Variants in EPB41L2 observed in about 807,000 individuals in gnomAD.
EPB41L2 encodes the protein band 4.1-like protein 2.
In EPB41L2, 43 loss-of-function variants were observed where a neutral mutation model predicts 113.0. The ratio of observed to expected loss-of-function variants is 0.38; its 90% CI spans 0.30 to 0.49. The LOEUF is 0.49. Among genes scored for constraint, EPB41L2 ranks in the 20% least tolerant of loss-of-function variants. The probability of loss-of-function intolerance (pLI) is 0.95; values close to 1 mark genes in which losing one functional copy is unlikely to be tolerated. For missense variants in EPB41L2, 1,147 were observed against 1,223.4 expected (o/e 0.94, Z 0.93); for synonymous variants, 442 against 436.7 (o/e 1.01, Z -0.15).
intron 1 of EPB41L2, among the ~76,000 whole-genome samples, chr6:131,043,373 A>T (rs541916601): frequency 6.6e-6 from 1 of 152,246 alleles, no homozygotes; most frequent in African/African-American, 2.4e-5. Flanking sequence ...ATACTCTTTG[A>T]GTGGTTTTAA....
chr6:130,870,605 T>C (rs1026100887), intron 14 of EPB41L2, among the ~76,000 whole-genome samples: 1 of 152,214 alleles, frequency 6.6e-6, no homozygotes, highest in Non-Finnish European at 1.5e-5. Flanking sequence ...GCTTTTATTA[T>C]AGATATACCT....
At chr6:131,032,560 G>A (rs376316375) in intron 1 of EPB41L2, among the ~76,000 whole-genome samples, 4 of 152,214 alleles carry the variant, frequency 2.6e-5, no homozygotes, top group East Asian at 3.9e-4. Flanking sequence ...ATATTACAAC[G>A]TATGCTCACT....
At chr6:131,049,913 G>A (rs1168611090) in intron 1 of EPB41L2, among the ~76,000 whole-genome samples, 2 of 152,210 alleles carry the variant, frequency 1.3e-5, no homozygotes, top group African/African-American at 2.4e-5. Context: ...GCACAGTATA[G>A]AGGGAACAAC....
At chr6:130,955,971 C>A in intron 2 of EPB41L2, 23 bp downstream of exon 2, 1 of 1,588,192 alleles carries the variant, frequency 6.3e-7, no homozygotes, top group Middle Eastern at 1.7e-4. Flanking sequence ...TTTTCATTTC[C>A]AGGCAATTAT....
chr6:131,009,345 A>C (rs1389628499), intron 1 of EPB41L2, among the ~76,000 whole-genome samples: 1 of 152,142 alleles, frequency 6.6e-6, no homozygotes, highest in Non-Finnish European at 1.5e-5. Flanking sequence ...TGGAATTGTG[A>C]GTCAATTAAA....
chr6:130,961,678 C>T (rs548217032), intron 1 of EPB41L2, among the ~76,000 whole-genome samples: 1 of 152,272 alleles, frequency 6.6e-6, no homozygotes, highest in South Asian at 2.1e-4. Context: ...GAAACTGGGA[C>T]CTTACTGTTA....
intron 5 of EPB41L2, among the ~76,000 whole-genome samples, chr6:130,904,948 A>G (rs927336951): frequency 6.7e-6 from 1 of 148,970 alleles, no homozygotes; most frequent in African/African-American, 2.5e-5. Context: ...AGGATTTTCT[A>G]CATTGTTGTG....
intron 10 of EPB41L2, among the ~76,000 whole-genome samples, chr6:130,892,311 A>G (rs1008391877): frequency 6.4e-4 from 76 of 118,398 alleles, no homozygotes; most frequent in Non-Finnish European, 1.2e-3. Context: ...TAGGGCGAGA[A>G]ATAGACCACG....
intron 1 of EPB41L2, among the ~76,000 whole-genome samples, chr6:130,988,232 C>A (rs1202293580): frequency 1.3e-5 from 2 of 152,106 alleles, no homozygotes; most frequent in African/African-American, 4.8e-5. Flanking sequence ...GTCTAAATAG[C>A]AGATAAAGAA....
At chr6:130,971,463 A>G (rs1180388385) in intron 1 of EPB41L2, among the ~76,000 whole-genome samples, 3 of 152,046 alleles carry the variant, frequency 2.0e-5, no homozygotes, top group Non-Finnish European at 2.9e-5. Flanking sequence ...TTGTACTTTT[A>G]TTACGTAGAA....
At chr6:131,052,341 C>T (rs1796733174) in intron 1 of EPB41L2, among the ~76,000 whole-genome samples, 1 of 152,024 alleles carries the variant, frequency 6.6e-6, no homozygotes, top group African/African-American at 2.4e-5. Flanking sequence ...AATATAGAGC[C>T]CAGAAAAAGA....
chr6:131,007,900 T>C (rs187427613), intron 1 of EPB41L2, among the ~76,000 whole-genome samples: 2 of 152,326 alleles, frequency 1.3e-5, no homozygotes, highest in Admixed American at 6.5e-5. Flanking sequence ...AAAGAGGTGG[T>C]TTAAAATTTG....
At chr6:130,931,173 C>T (rs536063695) in intron 3 of EPB41L2, among the ~76,000 whole-genome samples, 131 of 152,154 alleles carry the variant, frequency 8.6e-4, no homozygotes, top group African/African-American at 2.8e-3. Context: ...AGAAACAACG[C>T]TATAAAACTT....
intron 1 of EPB41L2, among the ~76,000 whole-genome samples, chr6:131,053,760 G>C (rs958533401): frequency 2.0e-5 from 3 of 152,214 alleles, no homozygotes; most frequent in African/African-American, 7.2e-5. Flanking sequence ...ACATTTTGTT[G>C]CTTACTCATA....
chr6:131,019,129 AT>A (rs1788898006), intron 1 of EPB41L2, among the ~76,000 whole-genome samples: 1 of 152,226 alleles, frequency 6.6e-6, no homozygotes, highest in Non-Finnish European at 1.5e-5. Flanking sequence ...AATATCAAGC[AT>A]TCCCATTTGT....
At chr6:130,908,484 G>C (rs772282317) in intron 5 of EPB41L2, among the ~76,000 whole-genome samples, 1 of 152,138 alleles carries the variant, frequency 6.6e-6, no homozygotes, top group Non-Finnish European at 1.5e-5. Flanking sequence ...AGCAGACAAA[G>C]CAATAGTATC....
At chr6:130,870,321 G>C in intron 14 of EPB41L2, 195 bp from the exon 15 acceptor site, 1 of 1,550,724 alleles carries the variant, frequency 6.4e-7, no homozygotes, top group Non-Finnish European at 8.7e-7. Flanking sequence ...TGGAAAAAGG[G>C]GAGAACCTTA....
intron 5 of EPB41L2, among the ~76,000 whole-genome samples, chr6:130,908,100 T>C (rs1322328486): frequency 6.6e-6 from 1 of 152,190 alleles, no homozygotes; most frequent in Non-Finnish European, 1.5e-5. Flanking sequence ...TCTCTATTTA[T>C]CATGTTTCTT....
At chr6:131,032,949 T>A (rs1331446102) in intron 1 of EPB41L2, among the ~76,000 whole-genome samples, 3 of 152,150 alleles carry the variant, frequency 2.0e-5, no homozygotes, top group African/African-American at 7.2e-5. Flanking sequence ...AATCTCAGCT[T>A]ACTGCAACCT....
Sources: gnomAD v4.1 joint callset for allele counts (sites outside exome capture counted in the v4.1 genomes callset) on GRCh38, gnomAD v4.1.1 for gene constraint, MANE v1.5 for transcripts, NCBI Gene and HGNC (gene_info 2026-07-23, HGNC 2026-07-21) for gene names.